Variants in NTRK1 observed in about 807,000 individuals in gnomAD.
NTRK1 encodes neurotrophic receptor tyrosine kinase 1.
Under a neutral mutation model 86.8 loss-of-function variants are expected in NTRK1, and 62 were observed. The observed-to-expected ratio is 0.71, with a 90% CI of 0.58 to 0.88. The LOEUF is 0.88. NTRK1 is among the 40% of genes least tolerant of loss of function. NTRK1 has a pLI of 0.00. For synonymous variants in NTRK1, 469 were observed against 456.6 expected, an observed-to-expected ratio of 1.03 and a Z score of -0.35; for missense variants, 967 against 1,078.4, an observed-to-expected ratio of 0.90 and a Z score of 1.45.
intron 1 of NTRK1, among the ~76,000 whole-genome samples, chr1:156,821,845 A>G (rs1654200238): frequency 6.6e-6 from 1 of 152,204 alleles, no homozygotes; most frequent in African/African-American, 2.4e-5. Context: ...TTCCCACTGG[A>G]TAAGGTTATC....
rs1278248260 is a variant in NTRK1, at chr1:156,875,557, G to T, written c.1392G>T (p.Met464Ile). ...TGGCTCCAGAGGATGGGCTGGCCATGTCCCTGCATTTCATGACATTGGGTG... is the reference window on the plus strand; with the variant it reads ...TGGCTCCAGAGGATGGGCTGGCCATTTCCCTGCATTTCATGACATTGGGTG... ...AVLAPEDGLA[M>I]SLHFMTLGGS... Residue 464 changes from methionine to isoleucine, a missense_variant, in exon 12 of 17, where the codon ATG (methionine) becomes ATT (isoleucine). Physicochemically the swap from Met to Ile is conservative, Grantham distance 10. Coordinates refer to ENST00000524377, the MANE Select transcript of NTRK1 (RefSeq NM_002529.4). 2.5e-6 allele frequency: 4 copies of T among 1,613,970 alleles called. No individual in the cohort carries two copies. Among genetic ancestry groups the T allele is most frequent in the Non-Finnish European group, 3.4e-6 (4 of 1,180,002 alleles).
intron 2 of NTRK1, chr1:156,853,640 T>C: frequency 9.1e-7 from 1 of 1,095,688 alleles, no homozygotes; most frequent in Non-Finnish European, 1.3e-6. Context: ...TGAGTGAGGA[T>C]TAAAAAACAG....
upstream of NTRK1, among the ~76,000 whole-genome samples, chr1:156,858,021 T>A (rs1655471477): frequency 6.6e-6 from 1 of 152,008 alleles, no homozygotes; most frequent in African/African-American, 2.4e-5. Flanking sequence ...CCAGCCTTCC[T>A]CCCTGTAGGG....
chr1:156,865,106 G>A (rs1227149332), intron 3 of NTRK1: 6 of 427,904 alleles, frequency 1.4e-5, no homozygotes, highest in East Asian at 9.6e-5. Flanking sequence ...GGGAGCAAGC[G>A]GCAGGAGCAG....
intron 2 of NTRK1, chr1:156,845,545 C>CCCCCCCCCCCCCAA: frequency 1.5e-6 from 2 of 1,331,404 alleles, no homozygotes; most frequent in Non-Finnish European, 2.0e-6. Flanking sequence ...CCACAAACCC[C>CCCCCCCCCCCCCAA]ACCCCTCCCG....
At chr1:156,817,706 A>C (rs1457544499) in intron 1 of NTRK1, among the ~76,000 whole-genome samples, 4 of 150,050 alleles carry the variant, frequency 2.7e-5, no homozygotes, top group African/African-American at 7.4e-5. Flanking sequence ...GCAGTGGCAC[A>C]ATCTCAGCTC....
intron 1 of NTRK1, among the ~76,000 whole-genome samples, chr1:156,827,682 C>A (rs941200405): frequency 6.6e-6 from 1 of 152,074 alleles, no homozygotes; most frequent in Non-Finnish European, 1.5e-5. Context: ...AAGGCACGAG[C>A]CACTCTGCCT....
intron 1 of NTRK1, chr1:156,841,339 G>T (rs138603010): frequency 7.0e-5 from 108 of 1,549,466 alleles, no homozygotes; most frequent in Non-Finnish European, 8.9e-5. Context: ...GGGGCCGGGT[G>T]GGGGAGGGTT....
At position 156,868,506 on chromosome 1, in the gene NTRK1, T is replaced by C. The variant is rs956083388; in HGVS notation, c.576T>C (p.Gly192=). 6.4e-7 allele frequency: 1 copy of C among 1,557,386 alleles called. No homozygotes were observed. The highest frequency in any genetic ancestry group is 2.4e-5 in the East Asian group (1 of 41,494). Residue 192 remains glycine, a splice_region_variant and synonymous_variant, in exon 6 of 17, where the codon GGT becomes GGC. Transcript: ENST00000524377. Reference sequence around the variant, plus strand: ...CCCTCGGGCGTCCTGGGTGGCCAGGTGTGCCCACGCTGAAGGTCCAGGTGC... The same window carrying C: ...CCCTCGGGCGTCCTGGGTGGCCAGGCGTGCCCACGCTGAAGGTCCAGGTGC... ...PLAHMPNASC[G]VPTLKVQVPN...
At position 156,844,770 on chromosome 1, in the gene NTRK1, G is replaced by C. The variant is rs980643939; in HGVS notation, c.50+2577G>C. The C allele has an allele frequency of 4.3e-6, 7 of 1,614,124 alleles. No homozygotes were observed. In the South Asian group the frequency reaches 4.4e-5, roughly 10 times the overall value. On this transcript the variant is annotated intron_variant, in intron 2 of 16. Coordinates refer to the NTRK1 transcript ENST00000392302. ...TGAGTCCGTTGGGGTCTGGTGGCTC[G>C]AGCCAGCGCAGAAGGACACTGTTCT...
At chr1:156,867,617 G>A (rs1220569736) in intron 4 of NTRK1, among the ~76,000 whole-genome samples, 2 of 148,600 alleles carry the variant, frequency 1.3e-5, no homozygotes, top group East Asian at 4.1e-4. Context: ...ACAGGTGTGA[G>A]TCACAGCGCC....
rs139621989 is a variant in NTRK1 at position 156,838,746 on chromosome 1, G to C, written c.-63-3335G>C. 4.9e-3 allele frequency among the ~76,000 whole-genome samples: 749 copies of C among 152,352 alleles called. 2 individuals are homozygous for C. Among genetic ancestry groups the C allele is most frequent in the African/African-American group, 0.017 (726 of 41,582 alleles). On this transcript the variant is annotated intron_variant, in intron 1 of 16. Coordinates refer to the NTRK1 transcript ENST00000392302. ...CCTGCCCATCTTTGCAGGTGCAGCC[G>C]CGATGGCATATTTCTGAAGCCCTCT...
intron 1 of NTRK1, among the ~76,000 whole-genome samples, chr1:156,862,259 T>C (rs1050428114): frequency 1.3e-5 from 2 of 152,076 alleles, no homozygotes; most frequent in Non-Finnish European, 2.9e-5. Flanking sequence ...ACTCAATCTC[T>C]CTCTCTAATA....
At chr1:156,869,441 T>G (rs1303900957) in intron 6 of NTRK1, among the ~76,000 whole-genome samples, 2 of 151,892 alleles carry the variant, frequency 1.3e-5, no homozygotes, top group Non-Finnish European at 2.9e-5. Flanking sequence ...TTGTACTGCA[T>G]CCGGGATGAG....
chr1:156,878,250 G>C (rs1472261699), intron 14 of NTRK1, among the ~76,000 whole-genome samples: 1 of 152,158 alleles, frequency 6.6e-6, no homozygotes, highest in African/African-American at 2.4e-5. Flanking sequence ...GATGGAGACA[G>C]ACACACAAAC....
upstream of NTRK1, among the ~76,000 whole-genome samples, chr1:156,860,086 G>A (rs115934050): frequency 5.4e-3 from 828 of 152,384 alleles, 5 homozygotes; most frequent in African/African-American, 0.019. Context: ...TCAGGGAGGC[G>A]ATCGATGTCA....
chr1:156,875,992 C>T (rs2102916628), intron 12 of NTRK1, 88 bp from the exon 13 acceptor site: 1 of 1,593,208 alleles, frequency 6.3e-7, no homozygotes, highest in Non-Finnish European at 8.6e-7. Context: ...CAGCCTTGTG[C>T]AGCACACAGC....
intron 2 of NTRK1, among the ~76,000 whole-genome samples, chr1:156,847,494 T>TTGATGTTCA (rs1450303409): frequency 2.6e-5 from 4 of 152,074 alleles, no homozygotes; most frequent in African/African-American, 4.8e-5. Context: ...GAACATCACA[T>TTGATGTTCA]TGATGTTCAT....
rs1471711796 is a variant in NTRK1, at chr1:156,868,577, A to G, written c.647A>G (p.Gln216Arg). The G allele has an allele frequency of 1.9e-6, 3 of 1,553,816 alleles. No homozygotes were observed. In the Admixed American group the frequency reaches 5.8e-5, roughly 30 times the overall value. ...DVGDDVLLRC[Q>R]VEGRGLEQAG... ...GGGGACGACGTGCTGCTGCGGTGCC[A>G]GGTGGAGGGGCGGGGCCTGGAGCAG... The change falls in exon 6 of 17, where the codon CAG becomes CGG. Residue 216 changes from glutamine (Q) to arginine (R), a missense_variant. Physicochemically the swap from Gln to Arg is conservative, Grantham distance 43. Transcript: ENST00000524377.
Sources: gnomAD v4.1 joint callset for allele counts (sites outside exome capture counted in the v4.1 genomes callset) on GRCh38, gnomAD v4.1.1 for gene constraint, MANE v1.5 for transcripts, NCBI Gene and HGNC (gene_info 2026-07-23, HGNC 2026-07-21) for gene names.